The following CRIM1 variants were observed in gnomAD, a reference collection of about 807,000 sequenced individuals.
The protein encoded by CRIM1 is cysteine-rich motor neuron 1 protein.
Under a neutral mutation model 116.4 loss-of-function variants are expected in CRIM1, and 32 were observed. The observed-to-expected ratio is 0.27, with a 90% CI of 0.21 to 0.37. The LOEUF (loss-of-function observed/expected upper bound fraction) is 0.37. Ranked by LOEUF, CRIM1 falls within the 10% of genes least tolerant of loss-of-function variation. The probability of loss-of-function intolerance (pLI) is 1.00; values close to 1 mark genes in which losing one functional copy is unlikely to be tolerated. For synonymous variants in CRIM1, 590 were observed against 509.2 expected (o/e 1.16, Z -2.13); for missense variants, 1,331 against 1,354.8 (o/e 0.98, Z 0.28).
chr2:36,507,403 G>C (rs1681506693), intron 8 of CRIM1, among the ~76,000 whole-genome samples: 1 of 152,198 alleles, frequency 6.6e-6, no homozygotes, highest in African/African-American at 2.4e-5. Context: ...CAGTGGAGGA[G>C]TAGGTAACAA....
chr2:36,389,027 A>G (rs1671381385), intron 1 of CRIM1, among the ~76,000 whole-genome samples: 1 of 152,224 alleles, frequency 6.6e-6, no homozygotes, highest in South Asian at 2.1e-4. Context: ...ATTTGTGTCC[A>G]CACTTTAGTA....
chr2:36,380,486 G>A (rs1670661139), intron 1 of CRIM1, among the ~76,000 whole-genome samples: 1 of 152,128 alleles, frequency 6.6e-6, no homozygotes, highest in Non-Finnish European at 1.5e-5. Context: ...TAAGCCTTGG[G>A]GGCCTGCAAG....
intron 1 of CRIM1, among the ~76,000 whole-genome samples, chr2:36,376,572 TC>T (rs1670336888): frequency 6.6e-6 from 1 of 151,736 alleles, no homozygotes; most frequent in African/African-American, 2.4e-5. Context: ...TTGAGGGAGG[TC>T]GTAGACTTGG....
intron 6 of CRIM1, 41 bp from the exon 7 acceptor site, chr2:36,479,456 G>GAA: frequency 1.3e-6 from 2 of 1,592,504 alleles, no homozygotes; most frequent in Non-Finnish European, 1.7e-6. Flanking sequence ...ATAAGATTTA[G>GAA]AAGATGCTCA....
chr2:36,358,986 A>G (rs1669042329), intron 1 of CRIM1, among the ~76,000 whole-genome samples: 1 of 152,218 alleles, frequency 6.6e-6, no homozygotes, highest in Non-Finnish European at 1.5e-5. Context: ...TTTTAAAAAA[A>G]GAATTAGAGG....
At position 36,450,530 on chromosome 2, in the gene CRIM1, TC is replaced by T. The variant is rs757461423; in HGVS notation, c.869+7796del. ...TTCTGTCTCTTAAAATGAAAAAAGATCTACTCAAAGTGACTTTTTTCCTTGT... is the reference window on the plus strand; with the variant it reads ...TTCTGTCTCTTAAAATGAAAAAAGATTACTCAAAGTGACTTTTTTCCTTGT... On this transcript the variant is annotated intron_variant, in intron 4 of 16. Coordinates refer to ENST00000280527, the MANE Select transcript of CRIM1 (RefSeq NM_016441.3). 5.9e-5 allele frequency among the ~76,000 whole-genome samples: 9 copies of T among 152,358 alleles called. No individual in the cohort carries two copies. The East Asian group carries it at 1.5e-3, about 26-fold the overall frequency.
At chr2:36,397,101 T>G (rs1171830271) in intron 2 of CRIM1, among the ~76,000 whole-genome samples, 2 of 152,180 alleles carry the variant, frequency 1.3e-5, no homozygotes, top group African/African-American at 4.8e-5. Flanking sequence ...AGGTCCATTC[T>G]GTTTGATTTA....
At chr2:36,454,487 T>A (rs1190338028) in intron 4 of CRIM1, among the ~76,000 whole-genome samples, 1 of 152,076 alleles carries the variant, frequency 6.6e-6, no homozygotes, top group Non-Finnish European at 1.5e-5. Flanking sequence ...TGAGGCATGA[T>A]GGGGGGCTTC....
At chr2:36,510,674 G>A (rs1410510993) in intron 9 of CRIM1, among the ~76,000 whole-genome samples, 1 of 152,052 alleles carries the variant, frequency 6.6e-6, no homozygotes, top group Non-Finnish European at 1.5e-5. Flanking sequence ...GGAGCTAAGG[G>A]CCATTACTTT....
chr2:36,545,659 G>GATGGCTTGGTTTT (rs1667273795), intron 15 of CRIM1, among the ~76,000 whole-genome samples: 1 of 152,094 alleles, frequency 6.6e-6, no homozygotes, highest in Non-Finnish European at 1.5e-5. Context: ...AGCTAACTTT[G>GATGGCTTGGTTTT]ATGGCTTGGT....
intron 4 of CRIM1, among the ~76,000 whole-genome samples, chr2:36,461,159 G>A (rs1363633231): frequency 6.6e-6 from 1 of 152,166 alleles, no homozygotes; most frequent in Non-Finnish European, 1.5e-5. Context: ...GCCTTAGGAT[G>A]GGTGTAGCAT....
At chr2:36,441,616 C>T (rs1323369286) in intron 3 of CRIM1, 116 bp downstream of exon 3, 23 of 1,327,652 alleles carry the variant, frequency 1.7e-5, no homozygotes, top group Non-Finnish European at 2.2e-5. Flanking sequence ...TCACCGGTGT[C>T]CTGTGAATCT....
intron 6 of CRIM1, among the ~76,000 whole-genome samples, chr2:36,478,132 A>G (rs1679128808): frequency 6.6e-6 from 1 of 152,200 alleles, no homozygotes; most frequent in Non-Finnish European, 1.5e-5. Context: ...AATATTTACA[A>G]CATAATATTG....
intron 14 of CRIM1, among the ~76,000 whole-genome samples, chr2:36,542,709 G>A (rs1572969061): frequency 6.6e-6 from 1 of 152,316 alleles, no homozygotes; most frequent in Admixed American, 6.5e-5. Flanking sequence ...GCAGGGGAGG[G>A]GCAGAAGGGT....
chr2:36,520,140 ACT>A (rs1665286035), intron 12 of CRIM1, among the ~76,000 whole-genome samples: 1 of 151,876 alleles, frequency 6.6e-6, no homozygotes, highest in Admixed American at 6.6e-5. Flanking sequence ...AAACCTGCAG[ACT>A]CTACCTCGGC....
chr2:36,498,617 G>A (rs1311284304), intron 7 of CRIM1, among the ~76,000 whole-genome samples: 1 of 152,136 alleles, frequency 6.6e-6, no homozygotes, highest in Non-Finnish European at 1.5e-5. Context: ...CTGAATGTGT[G>A]TATCTCCCTC....
At chr2:36,450,313 G>T (rs917929826) in intron 4 of CRIM1, among the ~76,000 whole-genome samples, 2 of 152,120 alleles carry the variant, frequency 1.3e-5, no homozygotes, top group Non-Finnish European at 2.9e-5. Flanking sequence ...ATTTGCACTT[G>T]TTTCTCCCCT....
At chr2:36,397,846 G>A (rs982272232) in intron 2 of CRIM1, among the ~76,000 whole-genome samples, 1 of 152,170 alleles carries the variant, frequency 6.6e-6, no homozygotes, top group Non-Finnish European at 1.5e-5. Flanking sequence ...TAACATTTGC[G>A]AATTGCAGAG....
chr2:36,548,820 G>C lies in CRIM1; in HGVS notation c.*119G>C, dbSNP rs190016134. The stretch of plus-strand genomic sequence containing the variant: ...GTATTGGATTGTGACTTGATGTACA[G>C]CGCTAAGACCTTACTGGGATGGGCT... On this transcript the variant is annotated 3_prime_UTR_variant, in exon 17 of 17. Transcript: ENST00000280527. 2.6e-6 allele frequency: 2 copies of C among 780,098 alleles called. No individual in the cohort carries two copies. The highest frequency in any genetic ancestry group is 4.0e-6 in the Non-Finnish European group (2 of 498,160). 48.3% of individuals were successfully genotyped at this position (780,098 alleles called of 1,614,324 possible). A position where few individuals can be genotyped will look rare whatever the true frequency, so the allele number is the denominator to read the frequency against.
Sources: gnomAD v4.1 joint callset for allele counts (sites outside exome capture counted in the v4.1 genomes callset) on GRCh38, gnomAD v4.1.1 for gene constraint, MANE v1.5 for transcripts, NCBI Gene and HGNC (gene_info 2026-07-23, HGNC 2026-07-21) for gene names.